Variants in PIEZO2 observed in about 807,000 individuals in gnomAD.
PIEZO2 encodes the protein piezo type mechanosensitive ion channel component 2.
In PIEZO2, 172 loss-of-function variants were observed where a neutral mutation model predicts 337.3. The observed-to-expected ratio is 0.51, with a 90% CI of 0.45 to 0.58. The LOEUF is 0.58. PIEZO2 is among the 20% of genes least tolerant of loss of function. PIEZO2 has a pLI of 0.00. For synonymous variants in PIEZO2, 1,251 were observed against 1,228.5 expected (o/e 1.02, Z -0.38); for missense variants, 3,028 against 3,391.3 (o/e 0.89, Z 2.66).
intron 3 of PIEZO2, among the ~76,000 whole-genome samples, chr18:10,932,498 A>G (rs985562181): frequency 6.6e-6 from 1 of 152,232 alleles, no homozygotes; most frequent in Non-Finnish European, 1.5e-5. Flanking sequence ...GCAGCATATC[A>G]GTCACTGTGT....
intron 49 of PIEZO2, among the ~76,000 whole-genome samples, chr18:10,686,267 C>T (rs187151035): frequency 6.6e-6 from 1 of 152,328 alleles, no homozygotes; most frequent in African/African-American, 2.4e-5. Context: ...GATTCAACAT[C>T]TATTCTCAGT....
At chr18:11,118,768 ACAG>A (rs1466929254) in intron 1 of PIEZO2, among the ~76,000 whole-genome samples, 5 of 151,624 alleles carry the variant, frequency 3.3e-5, no homozygotes, top group East Asian at 1.9e-4. Flanking sequence ...AGAAAAAAAA[ACAG>A]AGAGAGAGAG....
chr18:11,120,810 G>T (rs933487099), intron 1 of PIEZO2, among the ~76,000 whole-genome samples: 1 of 152,202 alleles, frequency 6.6e-6, no homozygotes, highest in African/African-American at 2.4e-5. Context: ...CATTTTTGTT[G>T]CATCTATGGA....
intron 8 of PIEZO2, 29 bp from the exon 9 acceptor site, chr18:10,804,023 C>T: frequency 6.5e-7 from 1 of 1,536,218 alleles, no homozygotes; most frequent in Non-Finnish European, 8.7e-7. Context: ...ATCAGTCTTG[C>T]TTCCTGAGGC....
rs2038348709 is a variant in PIEZO2 at position 10,766,229 on chromosome 18, A to G, written c.2947-3131T>C. ...AGGAAAGAAGAAGAAAGAAGGAGGA[A>G]CAGGAGGAGGAGGAGGGATAAGGAA... On this transcript the variant is annotated intron_variant, in intron 21 of 55. Transcript: ENST00000674853. This position sits in a 1 kb window ranked among gnomAD's most constrained non-coding sequence, Gnocchi z 6.1. Among the ~76,000 whole-genome samples, 1 of 101,802 alleles carries G rather than the reference A, an allele frequency of 9.8e-6. No homozygotes were observed. 66.8% of individuals were successfully genotyped at this position (101,802 alleles called of 152,430 possible).
rs572530620 is a variant in PIEZO2, at chr18:11,058,533, A to T, written c.160+7594T>A. ...AAGAAGTTAAAAACCTTGAAAAAAA[A>T]TTAGACGAAAGGCTAACTAGAATAA... On this transcript the variant is annotated intron_variant, in intron 2 of 55. Coordinates refer to ENST00000674853, the MANE Select transcript of PIEZO2 (RefSeq NM_001378183.1). Among the ~76,000 whole-genome samples the T allele has an allele frequency of 2.6e-5, 4 of 152,332 alleles. No homozygotes were observed. The South Asian group carries it at 8.3e-4, about 32-fold the overall frequency.
Position 10,716,113 on chromosome 18 carries a change from C to A in PIEZO2, c.5090-297G>T, listed in dbSNP as rs530878723. ...GACCCTTGAACATGGGTTTGGACAG[C>A]GTGGATCCACTCTACGCGTGGATTG... On this transcript the variant is annotated intron_variant, in intron 37 of 55. Coordinates refer to ENST00000674853, the MANE Select transcript of PIEZO2 (RefSeq NM_001378183.1). This position sits in a 1 kb window ranked among gnomAD's most constrained non-coding sequence, Gnocchi z 4.1. Among the ~76,000 whole-genome samples the A allele has an allele frequency of 1.3e-5, 2 of 152,138 alleles. No homozygotes were observed. The highest frequency in any genetic ancestry group is 2.9e-5 in the Non-Finnish European group (2 of 68,032).
intron 15 of PIEZO2, among the ~76,000 whole-genome samples, chr18:10,788,129 C>T (rs140297814): frequency 3.3e-5 from 5 of 151,988 alleles, no homozygotes; most frequent in East Asian, 3.8e-4. Context: ...AGGCCAGGTG[C>T]GGTGGCTCAT....
Position 10,724,677 on chromosome 18 carries a change from T to C in PIEZO2, c.5030-6418A>G, listed in dbSNP as rs2036455948. ...AGGCACCCACCAGCCCACCTACCAG[T>C]CTGCTGTCCCTGCGTCATAGGCTGA... On this transcript the variant is annotated intron_variant, in intron 36 of 55. Transcript: ENST00000674853. The surrounding 1 kb of genome is among the most constrained non-coding windows in gnomAD (Gnocchi z 5.8). 1.0e-6 allele frequency: 1 copy of C among 977,620 alleles called. No individual in the cohort carries two copies. The highest frequency in any genetic ancestry group is 1.5e-6 in the Non-Finnish European group (1 of 646,328). The allele number at this position is 977,620 out of a possible 1,614,324, so 60.6% of individuals were successfully genotyped here.
At chr18:10,737,433 A>G (rs915163994) in intron 33 of PIEZO2, among the ~76,000 whole-genome samples, 1 of 152,230 alleles carries the variant, frequency 6.6e-6, no homozygotes, top group Non-Finnish European at 1.5e-5. Flanking sequence ...CACGTGTCGT[A>G]GCCCTAAGAC....
At chr18:10,928,516 C>T (rs1421012944) in intron 3 of PIEZO2, among the ~76,000 whole-genome samples, 1 of 152,162 alleles carries the variant, frequency 6.6e-6, no homozygotes, top group Non-Finnish European at 1.5e-5. Flanking sequence ...TTTTTAAAGT[C>T]CAGTTCTTAA....
intron 12 of PIEZO2, among the ~76,000 whole-genome samples, chr18:10,796,464 A>G (rs1224747719): frequency 6.6e-6 from 1 of 152,214 alleles, no homozygotes; most frequent in Non-Finnish European, 1.5e-5. Flanking sequence ...TCTGAAACGA[A>G]TAAAAGTAGC....
intron 32 of PIEZO2, 112 bp downstream of exon 32, chr18:10,742,382 G>A: frequency 1.6e-6 from 2 of 1,227,378 alleles, no homozygotes; most frequent in Non-Finnish European, 2.2e-6. Context: ...AATCAAAAAA[G>A]TGTATCGATA....
intron 7 of PIEZO2, among the ~76,000 whole-genome samples, chr18:10,826,637 T>C (rs1157607518): frequency 6.6e-6 from 1 of 152,228 alleles, no homozygotes; most frequent in African/African-American, 2.4e-5. Flanking sequence ...AAATAACACA[T>C]TGTTTATATG....
intron 33 of PIEZO2, among the ~76,000 whole-genome samples, chr18:10,737,298 C>CAAAAAAAAAAACAACAA (rs962564265): frequency 3.8e-5 from 4 of 104,574 alleles, no homozygotes; most frequent in Admixed American, 8.7e-5. Flanking sequence ...AAAAAAAAAA[C>CAAAAAAAAAAACAACAA]AAAAAAACAC....
At chr18:10,751,731 G>T (rs1194225260) in intron 28 of PIEZO2, among the ~76,000 whole-genome samples, 1 of 152,156 alleles carries the variant, frequency 6.6e-6, no homozygotes, top group Non-Finnish European at 1.5e-5. Context: ...GTTACAGCCT[G>T]GGAGACTGAG....
chr18:11,086,881 T>C (rs1296633302), intron 1 of PIEZO2, among the ~76,000 whole-genome samples: 2 of 152,150 alleles, frequency 1.3e-5, no homozygotes, highest in Non-Finnish European at 2.9e-5. Flanking sequence ...GCCTGTCATG[T>C]ATGTTTTAGA....
At position 10,716,314 on chromosome 18, in the gene PIEZO2, C is replaced by CCACTT. The variant is rs1354414408; in HGVS notation, c.5090-503_5090-499dup. On this transcript the variant is annotated intron_variant, in intron 37 of 55. Coordinates refer to ENST00000674853, the MANE Select transcript of PIEZO2 (RefSeq NM_001378183.1). The surrounding 1 kb of genome is among the most constrained non-coding windows in gnomAD (Gnocchi z 4.1). The stretch of plus-strand genomic sequence containing the variant: ...ATGAGGATGAGAGCTTTATGATGGT[C>CCACTT]CACTTCCATTTACTGAATAGGAACT... Among the ~76,000 whole-genome samples, 1 of 152,158 alleles carries CCACTT rather than the reference C, an allele frequency of 6.6e-6. No individual in the cohort carries two copies. The highest frequency in any genetic ancestry group is 2.4e-5 in the African/African-American group (1 of 41,424).
At chr18:10,786,544 T>C (rs1008246047) in intron 16 of PIEZO2, among the ~76,000 whole-genome samples, 4 of 152,164 alleles carry the variant, frequency 2.6e-5, no homozygotes, top group Non-Finnish European at 2.9e-5. Flanking sequence ...CAGAAGAAAA[T>C]TAGAGAAGGA....
Sources: allele counts gnomAD v4.1 joint callset (sites outside exome capture counted in the v4.1 genomes callset), GRCh38; gene constraint gnomAD v4.1.1; non-coding constraint Gnocchi (gnomAD v3.1); transcripts MANE v1.5; gene names NCBI Gene and HGNC (gene_info 2026-07-23, HGNC 2026-07-21).